Variants in RHOT1 observed in about 807,000 individuals in gnomAD.
RHOT1 encodes the protein ras homolog family member T1.
Under a neutral mutation model 95.3 loss-of-function variants are expected in RHOT1, and 27 were observed. The observed-to-expected ratio is 0.28, with a 90% CI of 0.21 to 0.39. The LOEUF (loss-of-function observed/expected upper bound fraction) is 0.39, where lower values mean the gene tolerates loss of function less well. Ranked by LOEUF, RHOT1 falls within the 10% of genes least tolerant of loss-of-function variation. RHOT1 has a pLI of 1.00. For synonymous variants in RHOT1, 227 were observed against 263.5 expected (o/e 0.86, Z 1.34); for missense variants, 578 against 786.7 (o/e 0.73, Z 3.17).
chr17:32,182,882 G>T lies in RHOT1; in HGVS notation c.438+17G>T. 1 of 1,422,990 alleles carries T rather than the reference G, an allele frequency of 7.0e-7. No homozygotes were observed. 88.1% of individuals were successfully genotyped at this position (1,422,990 alleles called of 1,614,324 possible). On this transcript the variant is annotated intron_variant, in intron 7 of 19. Transcript: ENST00000545287. ...TGTGTGGAGGTATGCCTTGTAATTT[G>T]ATTTGAAAATTTATTTTTAATGAAT... is the stretch of plus-strand genomic sequence containing the variant.
intron 10 of RHOT1, 45 bp from the exon 11 acceptor site, chr17:32,193,942 C>T (rs1316673060): frequency 5.0e-6 from 8 of 1,594,174 alleles, no homozygotes; most frequent in Non-Finnish European, 6.8e-6. Flanking sequence ...TGCTTTTCTC[C>T]TATGTGACTC....
chr17:32,146,204 T>C (rs1038686836), intron 1 of RHOT1, among the ~76,000 whole-genome samples: 1 of 152,208 alleles, frequency 6.6e-6, no homozygotes, highest in Non-Finnish European at 1.5e-5. Context: ...TGTATATTTG[T>C]ACATTTTTTG....
intron 1 of RHOT1, chr17:32,160,086 C>T (rs2033393947): frequency 6.6e-6 from 1 of 152,268 alleles, no homozygotes; most frequent in African/African-American, 2.4e-5. Context: ...GAACTACCCT[C>T]TCTGCTGAGA....
At chr17:32,160,922 G>A (rs9913638) in intron 1 of RHOT1, among the ~76,000 whole-genome samples, 43,410 of 152,028 alleles carry the variant, frequency 0.29, 8,257 homozygotes, top group African/African-American at 0.54. Context: ...AACTTGGACA[G>A]AGGCACCACT....
At chr17:32,213,304 C>T (rs1185787692) in intron 19 of RHOT1, among the ~76,000 whole-genome samples, 1 of 152,162 alleles carries the variant, frequency 6.6e-6, no homozygotes, top group African/African-American at 2.4e-5. Flanking sequence ...TTATATATTT[C>T]TCTAAGCATT....
At chr17:32,174,908 C>T (rs539140089) in intron 3 of RHOT1, among the ~76,000 whole-genome samples, 1 of 152,270 alleles carries the variant, frequency 6.6e-6, no homozygotes, top group South Asian at 2.1e-4. Flanking sequence ...TATTATTACT[C>T]CCACCTGCTA....
rs199672660 is a variant in RHOT1 at position 32,215,535 on chromosome 17, AC to A, written c.1862+4298del. ...TCTAAATATTATTTCTCTAAGAAAA[AC>A]ATTTTTTAACTTTGGTTATATTTTC... is the stretch of plus-strand genomic sequence containing the variant. On this transcript the variant is annotated intron_variant, in intron 19 of 19. Transcript: ENST00000545287. 7.2e-3 allele frequency among the ~76,000 whole-genome samples: 1,085 copies of A among 150,854 alleles called. 18 individuals carry two copies. Among genetic ancestry groups the A allele is most frequent in the African/African-American group, 0.025 (1,020 of 41,094 alleles).
At chr17:32,142,936 T>A (rs2030608759) in intron 1 of RHOT1, 2 of 716,628 alleles carry the variant, frequency 2.8e-6, no homozygotes, top group Non-Finnish European at 5.2e-6. Flanking sequence ...CCTCACCCTG[T>A]CACCTCACCT....
At chr17:32,185,688 G>C (rs2035990158) in intron 8 of RHOT1, among the ~76,000 whole-genome samples, 1 of 149,636 alleles carries the variant, frequency 6.7e-6, no homozygotes, top group Admixed American at 6.7e-5. Flanking sequence ...GATTACAGGT[G>C]TGAACCGCCA....
At chr17:32,202,939 T>G (rs1340783362) in intron 15 of RHOT1, 39 bp downstream of exon 15, 1 of 1,590,114 alleles carries the variant, frequency 6.3e-7, no homozygotes. Context: ...TCCAACAAAT[T>G]TTTATAGTTA....
chr17:32,169,297 C>T (rs2034372373), intron 1 of RHOT1, among the ~76,000 whole-genome samples: 1 of 152,152 alleles, frequency 6.6e-6, no homozygotes, highest in East Asian at 1.9e-4. Flanking sequence ...GATTAGTAAG[C>T]ATGTGGACTG....
intron 8 of RHOT1, among the ~76,000 whole-genome samples, chr17:32,183,786 G>A (rs946843113): frequency 2.6e-5 from 4 of 152,214 alleles, no homozygotes; most frequent in Non-Finnish European, 5.9e-5. Flanking sequence ...CGGGGTTCAA[G>A]TGATTCTCAT....
chr17:32,202,608 A>G (rs1452910011), intron 14 of RHOT1, among the ~76,000 whole-genome samples, 162 bp from the exon 15 acceptor site: 2 of 152,012 alleles, frequency 1.3e-5, no homozygotes, highest in African/African-American at 2.4e-5. Flanking sequence ...TGTGTACTTC[A>G]TTCACATACA....
intron 8 of RHOT1, among the ~76,000 whole-genome samples, chr17:32,188,154 A>C (rs1422724316): frequency 6.6e-6 from 1 of 152,222 alleles, no homozygotes; most frequent in African/African-American, 2.4e-5. Flanking sequence ...TCACTCTACC[A>C]GGACCTTTTA....
intron 1 of RHOT1, among the ~76,000 whole-genome samples, chr17:32,149,198 T>C (rs2031840035): frequency 6.6e-6 from 1 of 152,088 alleles, no homozygotes; most frequent in Admixed American, 6.5e-5. Flanking sequence ...GTATCAAATG[T>C]ATTTATATTA....
At chr17:32,195,734 A>G (rs1449708009) in intron 11 of RHOT1, among the ~76,000 whole-genome samples, 5 of 152,224 alleles carry the variant, frequency 3.3e-5, no homozygotes, top group African/African-American at 1.2e-4. Flanking sequence ...TTAGATTCCT[A>G]GTCCATTAAT....
chr17:32,203,045 T>A, intron 15 of RHOT1, 145 bp downstream of exon 15: 1 of 764,424 alleles, frequency 1.3e-6, no homozygotes, highest in Non-Finnish European at 2.1e-6. Context: ...AATGTAACAG[T>A]AATCCTGTTG....
At chr17:32,177,816 T>C (rs1413018770) in intron 6 of RHOT1, among the ~76,000 whole-genome samples, 1 of 150,108 alleles carries the variant, frequency 6.7e-6, no homozygotes, top group Non-Finnish European at 1.5e-5. Flanking sequence ...GTGACATCTT[T>C]CTTTCTTTCT....
rs555292988 is a variant in RHOT1 at position 32,173,841 on chromosome 17, G to A, written c.107G>A (p.Arg36Gln). 6 of 1,605,188 alleles carry A rather than the reference G, an allele frequency of 3.7e-6. No individual in the cohort carries two copies. The highest frequency in any genetic ancestry group is 1.1e-5 in the South Asian group (1 of 90,218). Residue 36 changes from arginine to glutamine, a missense_variant, in exon 3 of 20, where the codon CGG becomes CAG. By Grantham distance (43) the Arg-to-Gln change is conservative. Coordinates refer to ENST00000545287, the MANE Select transcript of RHOT1 (RefSeq NM_001033566.3). ...SEEFPEEVPP[R>Q]AEEITIPADV... is the part of the protein sequence containing the mutation. ...TGTTTGTAAATGAAGGTTCCTCCCCGGGCAGAAGAAATCACCATTCCAGCT... is the reference window on the plus strand; with the variant it reads ...TGTTTGTAAATGAAGGTTCCTCCCCAGGCAGAAGAAATCACCATTCCAGCT...
Sources: allele counts gnomAD v4.1 joint callset (sites outside exome capture counted in the v4.1 genomes callset), GRCh38; gene constraint gnomAD v4.1.1; transcripts MANE v1.5; gene names NCBI Gene and HGNC (gene_info 2026-07-23, HGNC 2026-07-21).